Variants in WWC1 observed in about 807,000 individuals in gnomAD.
The protein encoded by WWC1 is WW and C2 domain containing 1.
In WWC1, 55 loss-of-function variants were observed where a neutral mutation model predicts 138.4. The observed-to-expected ratio is 0.40, with a 90% CI of 0.32 to 0.50. WWC1 has a LOEUF of 0.50. Among genes scored for constraint, WWC1 ranks in the 20% least tolerant of loss-of-function variants. The pLI, the probability that WWC1 is intolerant of heterozygous loss-of-function variation, is 0.72. For missense variants in WWC1, 1,226 were observed against 1,420.4 expected, an observed-to-expected ratio of 0.86 and a Z score of 2.20; for synonymous variants, 524 against 564.9, an observed-to-expected ratio of 0.93 and a Z score of 1.03.
intron 18 of WWC1, among the ~76,000 whole-genome samples, chr5:168,454,631 A>T (rs1756138373): frequency 6.6e-6 from 1 of 152,220 alleles, no homozygotes; most frequent in African/African-American, 2.4e-5. Context: ...TCCTAGAGCT[A>T]GAGCACCTGC....
intron 17 of WWC1, among the ~76,000 whole-genome samples, chr5:168,445,308 CAAAA>C (rs1171918735): frequency 6.0e-5 from 9 of 150,928 alleles, no homozygotes; most frequent in African/African-American, 1.2e-4. Context: ...AGCAAAAAAA[CAAAA>C]GAAAGAAGAA....
intron 1 of WWC1, among the ~76,000 whole-genome samples, chr5:168,321,946 C>A (rs926702083): frequency 6.6e-6 from 1 of 152,168 alleles, no homozygotes; most frequent in Admixed American, 6.5e-5. Context: ...TTTTAAGCCT[C>A]TTCTGTTCTA....
At chr5:168,380,207 T>C (rs902308278) in intron 2 of WWC1, among the ~76,000 whole-genome samples, 10 of 152,126 alleles carry the variant, frequency 6.6e-5, no homozygotes, top group African/African-American at 1.4e-4. Flanking sequence ...CACTTCAGGG[T>C]GCTGAGGTGG....
In WWC1 at chr5:168,385,242, A is replaced by G. The variant is rs149869064; in HGVS notation, c.261A>G (p.Gln87=). The G allele has an allele frequency of 2.4e-5, 38 of 1,614,120 alleles. 1 individual carries two copies. The highest frequency in any genetic ancestry group is 1.3e-4 in the Admixed American group (8 of 60,012). Residue 87 remains glutamine (Q), a synonymous_variant, in exon 3 of 23, where the codon CAA becomes CAG. Coordinates refer to ENST00000265293, the MANE Select transcript of WWC1 (RefSeq NM_015238.3). ...KTTQIEDPRV[Q]WRREQEHMLK... is the part of the protein sequence containing the mutation. ...CTCAGATTGAGGATCCTCGAGTACAATGGCGGCGGGAGCAGGAACATATGC... is the reference window on the plus strand; with the variant it reads ...CTCAGATTGAGGATCCTCGAGTACAGTGGCGGCGGGAGCAGGAACATATGC...
chr5:168,336,399 C>T (rs1031023580), intron 1 of WWC1, among the ~76,000 whole-genome samples: 2 of 151,860 alleles, frequency 1.3e-5, no homozygotes, highest in Non-Finnish European at 2.9e-5. Flanking sequence ...GGTGAAACCC[C>T]GTCTCTACTA....
At chr5:168,411,075 G>A (rs1045585677) in intron 8 of WWC1, among the ~76,000 whole-genome samples, 6 of 151,832 alleles carry the variant, frequency 4.0e-5, no homozygotes, top group Non-Finnish European at 5.9e-5. Context: ...ACAGGCACCC[G>A]TCACAACGCC....
At chr5:168,325,354 G>A (rs985238747) in intron 1 of WWC1, among the ~76,000 whole-genome samples, 3 of 152,222 alleles carry the variant, frequency 2.0e-5, no homozygotes, top group Non-Finnish European at 2.9e-5. Flanking sequence ...GGGTCCTGGA[G>A]TGGTGGATGG....
chr5:168,442,872 T>C (rs1044723984), intron 16 of WWC1, among the ~76,000 whole-genome samples: 1 of 151,818 alleles, frequency 6.6e-6, no homozygotes, highest in Admixed American at 6.6e-5. Context: ...AAAAAGCTTA[T>C]ATTTGCTTAT....
intron 16 of WWC1, among the ~76,000 whole-genome samples, chr5:168,443,296 T>C (rs1486410043): frequency 6.6e-6 from 1 of 152,150 alleles, no homozygotes; most frequent in African/African-American, 2.4e-5. Context: ...CTCCTCCTCC[T>C]CTCCTTTCCC....
chr5:168,342,365 C>T (rs1238614074), intron 1 of WWC1, among the ~76,000 whole-genome samples: 1 of 152,160 alleles, frequency 6.6e-6, no homozygotes, highest in Non-Finnish European at 1.5e-5. Context: ...TCTAGGCAGG[C>T]AGGCACTTGG....
At chr5:168,383,688 T>C (rs541282993) in intron 2 of WWC1, among the ~76,000 whole-genome samples, 2 of 152,320 alleles carry the variant, frequency 1.3e-5, no homozygotes, top group East Asian at 3.9e-4. Flanking sequence ...AATGAAGATA[T>C]CTCTCCATTT....
chr5:168,433,470 A>G lies in WWC1; in HGVS notation c.2280+2026A>G, dbSNP rs537740521. Among the ~76,000 whole-genome samples, 116 of 152,338 alleles carry G rather than the reference A, an allele frequency of 7.6e-4. 1 individual carries two copies. Among genetic ancestry groups the G allele is most frequent in the South Asian group, 4.1e-4 (2 of 4,822 alleles). Reference sequence around the variant, plus strand: ...CACTGCTATTGATGTTGTTACTGACAATAATGCAGTAGTTAATACCAGTAG... The same window carrying G: ...CACTGCTATTGATGTTGTTACTGACGATAATGCAGTAGTTAATACCAGTAG... On this transcript the variant is annotated intron_variant, in intron 15 of 22. Coordinates refer to ENST00000265293, the MANE Select transcript of WWC1 (RefSeq NM_015238.3).
chr5:168,397,946 C>T lies in WWC1; in HGVS notation c.510+146C>T, dbSNP rs567361006. ...AGGTCCTAAATAATAACAGTAGAAGCGGTAGTCACAGTAATAGTAATGGTT... is the reference window on the plus strand; with the variant it reads ...AGGTCCTAAATAATAACAGTAGAAGTGGTAGTCACAGTAATAGTAATGGTT... On this transcript the variant is annotated intron_variant, in intron 4 of 22. Transcript: ENST00000265293. 8.5e-5 allele frequency: 67 copies of T among 785,072 alleles called. No individual in the cohort carries two copies. In the East Asian group the frequency reaches 1.3e-3, roughly 15 times the overall value. 48.6% of individuals were successfully genotyped at this position (785,072 alleles called of 1,614,324 possible).
chr5:168,390,335 C>T (rs73392705), intron 3 of WWC1, among the ~76,000 whole-genome samples: 9,229 of 152,130 alleles, frequency 0.061, 326 homozygotes, highest in African/African-American at 0.094. Context: ...ATCTCTGGAA[C>T]CAATAAGAAT....
rs371739779 is a variant in WWC1 at position 168,321,222 on chromosome 5, T to C, written c.119+28951T>C. On this transcript the variant is annotated intron_variant, in intron 1 of 22. Transcript: ENST00000265293. Reference sequence around the variant, plus strand: ...TGAGCATCAGAAGGACCCTAAGTTATAGCTTCCCCTTTTCTTCCCAGAGCG... The same window carrying C: ...TGAGCATCAGAAGGACCCTAAGTTACAGCTTCCCCTTTTCTTCCCAGAGCG... Among the ~76,000 whole-genome samples the C allele has an allele frequency of 2.4e-4, 37 of 152,310 alleles. 1 individual carries two copies. Among genetic ancestry groups the C allele is most frequent in the Middle Eastern group, 3.4e-3 (1 of 294 alleles).
Position 168,406,270 on chromosome 5 carries a change from A to C in WWC1, c.663A>C (p.Thr221=). ...LDEAQAVLRE[T]KAIKKAITCG... ...AAGCTCAGGCTGTCTTGAGAGAAAC[A>C]AAAGCCATCAAAAAGGCTATTACCT... Residue 221 remains threonine (T), a synonymous_variant, in exon 6 of 23, where the codon ACA becomes ACC. Transcript: ENST00000265293. The C allele has an allele frequency of 6.2e-7, 1 of 1,614,158 alleles. No individual in the cohort carries two copies.
intron 21 of WWC1, among the ~76,000 whole-genome samples, chr5:168,467,398 A>G (rs1342469535): frequency 2.6e-5 from 4 of 152,294 alleles, no homozygotes; most frequent in East Asian, 1.9e-4. Flanking sequence ...TTACATTAGG[A>G]GGAAGGGGCA....
chr5:168,405,356 G>T (rs1304762612), intron 5 of WWC1, among the ~76,000 whole-genome samples: 2 of 152,130 alleles, frequency 1.3e-5, no homozygotes, highest in African/African-American at 2.4e-5. Flanking sequence ...GCATCTTGTG[G>T]GGTGAGGCCA....
At chr5:168,360,677 G>A (rs183636632) in intron 1 of WWC1, among the ~76,000 whole-genome samples, 36 of 152,330 alleles carry the variant, frequency 2.4e-4, no homozygotes, top group Admixed American at 3.9e-4. Flanking sequence ...CAAGGGCATC[G>A]TCAGGCTTCA....
Sources: gnomAD v4.1 joint callset for allele counts (sites outside exome capture counted in the v4.1 genomes callset) on GRCh38, gnomAD v4.1.1 for gene constraint, MANE v1.5 for transcripts, NCBI Gene and HGNC (gene_info 2026-07-23, HGNC 2026-07-21) for gene names.